CEP63: variants seen among roughly 807,000 people sequenced by gnomAD.
CEP63 encodes centrosomal protein 63.
Under a neutral mutation model 89.1 loss-of-function variants are expected in CEP63, and 84 were observed. The ratio of observed to expected loss-of-function variants is 0.94; its 90% CI spans 0.79 to 1.13. The LOEUF (loss-of-function observed/expected upper bound fraction) is 1.13. Among genes scored for constraint, CEP63 ranks in the 50% most tolerant of loss-of-function variants. CEP63 has a pLI of 0.00. For missense variants in CEP63, 838 were observed against 813.3 expected (o/e 1.03, Z -0.37); for synonymous variants, 267 against 272.5 (o/e 0.98, Z 0.20).
chr3:134,657,388 T>A, the CEP63 span, among the ~76,000 whole-genome samples: 23 of 152,278 alleles, frequency 1.5e-4, no homozygotes, highest in African/African-American at 4.3e-4. Flanking sequence ...TATCAATAGG[T>A]GTGAAATAAA....
the CEP63 span, among the ~76,000 whole-genome samples, chr3:134,663,952 G>C: frequency 6.6e-6 from 1 of 152,218 alleles, no homozygotes; most frequent in Non-Finnish European, 1.5e-5. Flanking sequence ...GGGTAGGATG[G>C]GGTGGGGACA....
chr3:134,728,176 G>T, the CEP63 span, among the ~76,000 whole-genome samples: 1 of 152,148 alleles, frequency 6.6e-6, no homozygotes, highest in Non-Finnish European at 1.5e-5. Context: ...TTTCCCATGT[G>T]ATGAGCAAAA....
At chr3:134,629,393 G>A in the CEP63 span, 8 of 526,726 alleles carry the variant, frequency 1.5e-5, no homozygotes, top group East Asian at 2.9e-5. Context: ...TCAGCTAAAT[G>A]TCTGTGTTAC....
chr3:134,518,434 A>G (rs541351915), intron 3 of CEP63, among the ~76,000 whole-genome samples: 19 of 152,256 alleles, frequency 1.2e-4, no homozygotes, highest in Non-Finnish European at 2.4e-4. Flanking sequence ...GATTAGAATC[A>G]TGTTTTTTGA....
At chr3:134,713,074 C>T in the CEP63 span, among the ~76,000 whole-genome samples, 1 of 152,204 alleles carries the variant, frequency 6.6e-6, no homozygotes, top group Non-Finnish European at 1.5e-5. Context: ...ACAAATAATA[C>T]TGAACTCTCA....
chr3:134,660,482 A>T, the CEP63 span, among the ~76,000 whole-genome samples: 7 of 152,204 alleles, frequency 4.6e-5, no homozygotes, highest in Non-Finnish European at 1.0e-4. Flanking sequence ...CAGAGCTAGG[A>T]TTCACACTCA....
the CEP63 span, among the ~76,000 whole-genome samples, chr3:134,672,838 T>G: frequency 6.6e-6 from 1 of 152,240 alleles, no homozygotes; most frequent in Non-Finnish European, 1.5e-5. Context: ...CTGGACCATG[T>G]GGTAGCTCCC....
At chr3:134,722,027 A>G in the CEP63 span, among the ~76,000 whole-genome samples, 1 of 152,142 alleles carries the variant, frequency 6.6e-6, no homozygotes, top group Admixed American at 6.5e-5. Context: ...CTAAGTTTTA[A>G]GAGTTTGTAA....
At chr3:134,759,463 C>T in the CEP63 span, among the ~76,000 whole-genome samples, 1 of 152,186 alleles carries the variant, frequency 6.6e-6, no homozygotes, top group Non-Finnish European at 1.5e-5. Flanking sequence ...TCTAGCATCC[C>T]AATAATGGGT....
the CEP63 span, chr3:134,629,260 C>T: frequency 4.3e-6 from 1 of 233,020 alleles, no homozygotes; most frequent in African/African-American, 2.2e-5. Context: ...TATTAGTATA[C>T]ATCAAAAGGT....
chr3:134,530,575 A>G (rs1949675890), intron 3 of CEP63, among the ~76,000 whole-genome samples: 2 of 152,190 alleles, frequency 1.3e-5, no homozygotes, highest in Admixed American at 6.5e-5. Context: ...TTTTAAAAAT[A>G]GAAGTTTTAC....
chr3:134,737,020 C>T, the CEP63 span, among the ~76,000 whole-genome samples: 1 of 151,942 alleles, frequency 6.6e-6, no homozygotes, highest in African/African-American at 2.4e-5. Flanking sequence ...GGGAAAGTTG[C>T]TTTGTGGTAG....
chr3:134,742,204 T>C, the CEP63 span, among the ~76,000 whole-genome samples: 1 of 152,182 alleles, frequency 6.6e-6, no homozygotes, highest in African/African-American at 2.4e-5. Context: ...TACTCCTCTC[T>C]CTTCTACTCC....
the CEP63 span, chr3:134,619,949 C>A: frequency 6.6e-6 from 1 of 152,340 alleles, no homozygotes; most frequent in Non-Finnish European, 1.5e-5. Flanking sequence ...GGACCTCCTA[C>A]CTGTGCCAGG....
rs144370421 is a variant in CEP63, at chr3:134,491,407, A to G, written c.-25-3889A>G. Among the ~76,000 whole-genome samples the G allele has an allele frequency of 3.3e-3, 505 of 152,074 alleles. 4 individuals are homozygous for G. Among genetic ancestry groups the G allele is most frequent in the African/African-American group, 0.011 (467 of 41,486 alleles). On this transcript the variant is annotated intron_variant, in intron 1 of 14. Transcript: ENST00000675561. ...ATACCTCTCGCCCATGTTTCTATAG[A>G]TTTTTTGCCTAATCTTTTATAAGCT...
the CEP63 span, among the ~76,000 whole-genome samples, chr3:134,687,822 T>C: frequency 6.6e-6 from 1 of 152,150 alleles, no homozygotes; most frequent in Admixed American, 6.5e-5. Flanking sequence ...CCAGGATGGG[T>C]CAGCCACAGC....
At chr3:134,511,699 T>C (rs899409972) in intron 3 of CEP63, among the ~76,000 whole-genome samples, 1 of 152,072 alleles carries the variant, frequency 6.6e-6, no homozygotes, top group Non-Finnish European at 1.5e-5. Context: ...CATTTTCACA[T>C]GGCGGAGGAG....
the CEP63 span, chr3:134,608,278 T>C: frequency 8.3e-7 from 1 of 1,208,034 alleles, no homozygotes. Flanking sequence ...TTCCCTGCTA[T>C]GTGAACTGAG....
At chr3:134,701,161 A>T in the CEP63 span, among the ~76,000 whole-genome samples, 22,317 of 150,070 alleles carry the variant, frequency 0.15, 2,039 homozygotes, top group East Asian at 0.22. Context: ...TACATACATT[A>T]TATACATACA....
Sources: gnomAD v4.1 joint callset for allele counts (sites outside exome capture counted in the v4.1 genomes callset) on GRCh38, gnomAD v4.1.1 for gene constraint, MANE v1.5 for transcripts, NCBI Gene and HGNC (gene_info 2026-07-23, HGNC 2026-07-21) for gene names.